Variants in GABRA2 observed in about 807,000 individuals in gnomAD.
GABRA2 encodes gamma-aminobutyric acid receptor subunit alpha-2.
In GABRA2, 16 loss-of-function variants were observed where a neutral mutation model predicts 48.7. The observed-to-expected ratio is 0.33, with a 90% CI of 0.22 to 0.50. The LOEUF (loss-of-function observed/expected upper bound fraction) is 0.50. GABRA2 is among the 20% of genes least tolerant of loss of function. GABRA2 has a pLI of 0.98. For synonymous variants in GABRA2, 185 were observed against 184.5 expected, an observed-to-expected ratio of 1.00 and a Z score of -0.02; for missense variants, 275 against 535.6, an observed-to-expected ratio of 0.51 and a Z score of 4.80.
intron 3 of GABRA2, among the ~76,000 whole-genome samples, chr4:46,372,987 C>T (rs975589654): frequency 2.0e-5 from 3 of 152,114 alleles, no homozygotes; most frequent in African/African-American, 7.2e-5. Flanking sequence ...ATAGATTTTG[C>T]TTAACATCCC....
intron 4 of GABRA2, among the ~76,000 whole-genome samples, chr4:46,327,071 C>T (rs1247327180): frequency 6.6e-6 from 1 of 151,916 alleles, no homozygotes; most frequent in Non-Finnish European, 1.5e-5. Context: ...ACTTTCATCT[C>T]TTGCCTGTAG....
intron 3 of GABRA2, among the ~76,000 whole-genome samples, chr4:46,371,254 T>C (rs959721351): frequency 1.3e-5 from 2 of 152,246 alleles, no homozygotes; most frequent in South Asian, 4.1e-4. Flanking sequence ...ATATATAATA[T>C]TGTTTTAAAG....
chr4:46,279,680 T>G (rs1469703587), intron 8 of GABRA2, among the ~76,000 whole-genome samples: 1 of 152,116 alleles, frequency 6.6e-6, no homozygotes, highest in African/African-American at 2.4e-5. Context: ...TTATTTGGAC[T>G]ATCCTAACAT....
In GABRA2 at chr4:46,388,830, G is replaced by A. The variant is rs1717832370; in HGVS notation, c.-10-114C>T. 4 of 1,529,678 alleles carry A rather than the reference G, an allele frequency of 2.6e-6. No homozygotes were observed. In the South Asian group the frequency reaches 3.9e-5, roughly 15 times the overall value. 94.8% of individuals were successfully genotyped at this position (1,529,678 alleles called of 1,614,324 possible). ...GTTAGGGATTCGTGTTAAAGCTATGGAGATTACTTCCTGGACTCTGTGTAG... is the reference window on the plus strand; with the variant it reads ...GTTAGGGATTCGTGTTAAAGCTATGAAGATTACTTCCTGGACTCTGTGTAG... On this transcript the variant is annotated intron_variant, in intron 1 of 9. Transcript: ENST00000381620.
At chr4:46,360,194 T>A (rs541646876) in intron 3 of GABRA2, among the ~76,000 whole-genome samples, 66 of 152,336 alleles carry the variant, frequency 4.3e-4, no homozygotes, top group African/African-American at 1.5e-3. Flanking sequence ...ACCAAATTGA[T>A]AAAAATGTAT....
In GABRA2 at chr4:46,305,581, A is replaced by T; in HGVS notation, c.690T>A (p.Ile230=). 6.2e-7 allele frequency: 1 copy of T among 1,613,804 alleles called. No homozygotes were observed. The highest frequency in any genetic ancestry group is 8.5e-7 in the Non-Finnish European group (1 of 1,179,884). Reference sequence around the variant, plus strand: ...AATTTTACTAACCTGTACTGGATTTAATTGTCTCCTTTCCGATTGATTGGC... The same window carrying T: ...AATTTTACTAACCTGTACTGGATTTTATTGTCTCCTTTCCGATTGATTGGC... ...LLGQSIGKET[I]KSSTGEYTVM... Residue 230 remains isoleucine, a synonymous_variant, in exon 7 of 10, where the codon ATT becomes ATA. Coordinates refer to ENST00000381620, the MANE Select transcript of GABRA2 (RefSeq NM_000807.4).
At chr4:46,282,009 C>CAGAGTATG (rs1478754574) in intron 8 of GABRA2, among the ~76,000 whole-genome samples, 5 of 152,084 alleles carry the variant, frequency 3.3e-5, no homozygotes, top group Non-Finnish European at 7.4e-5. Flanking sequence ...CATGATTAGG[C>CAGAGTATG]AGAGTATGTC....
intron 3 of GABRA2, among the ~76,000 whole-genome samples, chr4:46,372,600 C>G (rs1715066619): frequency 6.6e-6 from 1 of 152,156 alleles, no homozygotes; most frequent in Non-Finnish European, 1.5e-5. Flanking sequence ...CCATTGAAGT[C>G]ACTGTAGATG....
chr4:46,351,263 G>C (rs542980612), intron 3 of GABRA2, among the ~76,000 whole-genome samples: 1 of 151,896 alleles, frequency 6.6e-6, no homozygotes, highest in South Asian at 2.1e-4. Context: ...AGTGAGTGCA[G>C]AAATTCATAG....
intron 6 of GABRA2, among the ~76,000 whole-genome samples, chr4:46,309,089 T>A (rs1727187650): frequency 6.6e-6 from 1 of 152,142 alleles, no homozygotes; most frequent in Non-Finnish European, 1.5e-5. Context: ...GAAGTTATGG[T>A]TTCCATGACA....
At position 46,323,934 on chromosome 4, in the gene GABRA2, T is replaced by A. The variant is rs1432149076; in HGVS notation, c.255+8681A>T. On this transcript the variant is annotated intron_variant, in intron 4 of 9. Coordinates refer to ENST00000381620, the MANE Select transcript of GABRA2 (RefSeq NM_000807.4). ...AAACATGTGCAAGGCCAGAGAGTTG[T>A]TAAATATAATGACATGTTCAGGGAA... is the stretch of plus-strand genomic sequence containing the variant. Among the ~76,000 whole-genome samples the A allele has an allele frequency of 2.0e-5, 3 of 152,012 alleles. No homozygotes were observed. In the East Asian group the frequency reaches 5.8e-4, roughly 30 times the overall value.
At chr4:46,316,413 A>G (rs1310903563) in intron 4 of GABRA2, among the ~76,000 whole-genome samples, 1 of 152,040 alleles carries the variant, frequency 6.6e-6, no homozygotes, top group Non-Finnish European at 1.5e-5. Flanking sequence ...GAGCATGGCT[A>G]TGTTCCAATA....
In GABRA2 at chr4:46,246,861, G is replaced by C. The variant is rs1713804269; in HGVS notation, c.*3447C>G. The stretch of plus-strand genomic sequence containing the variant: ...ACCATGATAATGCAGAAGGTGACTT[G>C]AGCTACTTCCTTTCTTCTTTCATTG... On this transcript the variant is annotated 3_prime_UTR_variant, in exon 10 of 10. Transcript: ENST00000381620. 6.6e-6 allele frequency among the ~76,000 whole-genome samples: 1 copy of C among 151,026 alleles called. No homozygotes were observed. Among genetic ancestry groups the C allele is most frequent in the African/African-American group, 2.4e-5 (1 of 41,298 alleles).
At chr4:46,335,264 A>C (rs1159166161) in intron 3 of GABRA2, among the ~76,000 whole-genome samples, 2 of 152,170 alleles carry the variant, frequency 1.3e-5, no homozygotes, top group African/African-American at 4.8e-5. Context: ...ATTCGTCAAG[A>C]CATTTTATAG....
intron 8 of GABRA2, among the ~76,000 whole-genome samples, chr4:46,297,728 T>G (rs1278883685): frequency 6.6e-6 from 1 of 151,748 alleles, no homozygotes; most frequent in African/African-American, 2.4e-5. Flanking sequence ...GACATTTTCT[T>G]TTATTCTACA....
chr4:46,285,979 A>G (rs1209448656), intron 8 of GABRA2, among the ~76,000 whole-genome samples: 1 of 152,090 alleles, frequency 6.6e-6, no homozygotes, highest in Non-Finnish European at 1.5e-5. Context: ...CATATGACAT[A>G]CAATTAACTT....
chr4:46,287,060 A>G (rs1461437686), intron 8 of GABRA2, among the ~76,000 whole-genome samples: 1 of 151,858 alleles, frequency 6.6e-6, no homozygotes, highest in Admixed American at 6.6e-5. Flanking sequence ...TTTTTTTCCT[A>G]ATAGTTTTAT....
rs1718039321 is a variant in GABRA2 at position 46,389,980 on chromosome 4, C to T, written c.-256G>A. 1.0e-6 allele frequency: 1 copy of T among 974,038 alleles called. No individual in the cohort carries two copies. The highest frequency in any genetic ancestry group is 1.2e-6 in the Non-Finnish European group (1 of 828,584). 60.3% of individuals were successfully genotyped at this position (974,038 alleles called of 1,614,324 possible). A position where few individuals can be genotyped will look rare whatever the true frequency, so the allele number is the denominator to read the frequency against. On this transcript the variant is annotated 5_prime_UTR_variant, in exon 1 of 10. Transcript: ENST00000381620. ...AAGGAGGCGAAGGCGTTCGTAGTGG[C>T]GGTGATGGGCGGAGGAGGAGGAAGA...
chr4:46,276,519 A>G (rs2109434871), intron 8 of GABRA2, among the ~76,000 whole-genome samples: 1 of 151,934 alleles, frequency 6.6e-6, no homozygotes, highest in Admixed American at 6.6e-5. Flanking sequence ...ATTCACCTCA[A>G]GTTCTGATGG....
Sources: gnomAD v4.1 joint callset for allele counts (sites outside exome capture counted in the v4.1 genomes callset) on GRCh38, gnomAD v4.1.1 for gene constraint, MANE v1.5 for transcripts, NCBI Gene and HGNC (gene_info 2026-07-23, HGNC 2026-07-21) for gene names.